Variants in PLEKHM2 observed in about 807,000 individuals in gnomAD.
PLEKHM2 encodes pleckstrin homology domain-containing family M member 2.
PLEKHM2 carries 77 observed loss-of-function variants against 116.3 expected under a neutral mutation model. The observed-to-expected ratio is 0.66, with a 90% CI of 0.55 to 0.80. The LOEUF is 0.80. Ranked by LOEUF, PLEKHM2 falls within the 30% of genes least tolerant of loss-of-function variation. PLEKHM2 has a pLI of 0.00. For missense variants in PLEKHM2, 1,183 were observed against 1,354.9 expected, an observed-to-expected ratio of 0.87 and a Z score of 1.99; for synonymous variants, 562 against 571.0, an observed-to-expected ratio of 0.98 and a Z score of 0.22.
At position 15,728,385 on chromosome 1, in the gene PLEKHM2, G is replaced by T. The variant is rs758987969; in HGVS notation, c.1921+28G>T. On this transcript the variant is annotated intron_variant, in intron 11 of 19. Transcript: ENST00000375799. This position sits in a 1 kb window ranked among gnomAD's most constrained non-coding sequence, Gnocchi z 5.9. ...GCCCGCCGCCCCCGGGCAGACAGCG[G>T]GTTGTAGACGAGGCTGACTCTCAGC... 6.3e-7 allele frequency: 1 copy of T among 1,586,938 alleles called. No individual in the cohort carries two copies. The highest frequency in any genetic ancestry group is 8.6e-7 in the Non-Finnish European group (1 of 1,159,516).
intron 1 of PLEKHM2, among the ~76,000 whole-genome samples, chr1:15,685,622 T>C (rs566207561): frequency 2.0e-5 from 3 of 152,054 alleles, no homozygotes; most frequent in African/African-American, 7.2e-5. Context: ...CAGCTTATTT[T>C]ACTTGAAGAA....
At chr1:15,688,556 G>A (rs1366891447) in intron 1 of PLEKHM2, among the ~76,000 whole-genome samples, 1 of 151,824 alleles carries the variant, frequency 6.6e-6, no homozygotes, top group African/African-American at 2.4e-5. Flanking sequence ...GGAGGCTGAG[G>A]CAGGGAAGCA....
chr1:15,727,239 C>G lies in PLEKHM2; in HGVS notation c.1167C>G (p.Ser389=), dbSNP rs372659037. 8.1e-6 allele frequency: 13 copies of G among 1,603,042 alleles called. No individual in the cohort carries two copies. Among genetic ancestry groups the G allele is most frequent in the Non-Finnish European group, 1.1e-5 (13 of 1,176,060 alleles). Residue 389 remains serine, a synonymous_variant, in exon 9 of 20, where the codon TCC becomes TCG. Coordinates refer to ENST00000375799, the MANE Select transcript of PLEKHM2 (RefSeq NM_015164.4). This position sits in a 1 kb window ranked among gnomAD's most constrained non-coding sequence, Gnocchi z 7.5. ...GCACCACGGAGAGCAGCGAGCGCTC[C>G]GAGCCGGGCCTGCTGATCCCTGAGA... ...PSSTTESSER[S]EPGLLIPEMK... is the part of the protein sequence containing the mutation.
At chr1:15,718,668 G>T in intron 5 of PLEKHM2, 43 bp downstream of exon 5, 1 of 983,764 alleles carries the variant, frequency 1.0e-6, no homozygotes, top group South Asian at 1.4e-5. Flanking sequence ...AGCAGAGGAG[G>T]GGGCAGGGTG....
In PLEKHM2 at chr1:15,733,960, G is replaced by A. The variant is rs781591637; in HGVS notation, c.*26G>A. On this transcript the variant is annotated 3_prime_UTR_variant, in exon 20 of 20. Coordinates refer to ENST00000375799, the MANE Select transcript of PLEKHM2 (RefSeq NM_015164.4). Reference sequence around the variant, plus strand: ...GGCAGAGCTGGTTGGCGTCCCTGGTGGGCAGGAAAGGAAGGCACGCCAGCC... The same window carrying A: ...GGCAGAGCTGGTTGGCGTCCCTGGTAGGCAGGAAAGGAAGGCACGCCAGCC... The A allele has an allele frequency of 1.2e-6, 2 of 1,601,896 alleles. No homozygotes were observed. The highest frequency in any genetic ancestry group is 1.7e-5 in the Admixed American group (1 of 58,370).
At chr1:15,720,037 A>C in intron 6 of PLEKHM2, 117 bp downstream of exon 6, 1 of 783,170 alleles carries the variant, frequency 1.3e-6, no homozygotes, top group Non-Finnish European at 2.0e-6. Context: ...TGAAATTTGC[A>C]ATTAAACAGG....
intron 1 of PLEKHM2, among the ~76,000 whole-genome samples, chr1:15,707,490 G>A (rs1212640147): frequency 6.6e-6 from 1 of 152,216 alleles, no homozygotes. Flanking sequence ...GCCGATGGGA[G>A]TGGCTGTGTT....
intron 14 of PLEKHM2, among the ~76,000 whole-genome samples, 186 bp downstream of exon 14, chr1:15,730,115 C>T (rs1011606092): frequency 2.0e-5 from 3 of 152,192 alleles, no homozygotes; most frequent in Non-Finnish European, 2.9e-5. Flanking sequence ...GTCATGTCCA[C>T]CTTCCTACCT....
At chr1:15,714,348 TAAA>T (rs764341573) in intron 1 of PLEKHM2, among the ~76,000 whole-genome samples, 5 of 110,220 alleles carry the variant, frequency 4.5e-5, no homozygotes, top group Admixed American at 1.0e-4. Context: ...ATTTTGAAAT[TAAA>T]AAAAAAAAAA....
At position 15,725,486 on chromosome 1, in the gene PLEKHM2, G is replaced by T; in HGVS notation, c.882G>T (p.Glu294Asp). 1 of 1,581,752 alleles carries T rather than the reference G, an allele frequency of 6.3e-7. No individual in the cohort carries two copies. Among genetic ancestry groups the T allele is most frequent in the African/African-American group, 1.4e-5 (1 of 74,032 alleles). Residue 294 changes from glutamate to aspartate, a missense_variant, in exon 8 of 20, where the codon GAG becomes GAT. Physicochemically the swap from Glu to Asp is conservative, Grantham distance 45. Transcript: ENST00000375799. Reference protein sequence around the residue: ...DTTPVHTTSQEKEEAQALDPP... With the variant: ...DTTPVHTTSQDKEEAQALDPP... ...CCCCCGTGCACACCACCTCTCAGGA[G>T]AAGGAGGAGGCCCAGGCCCTGGACC...
At chr1:15,711,366 C>T (rs528592765) in intron 1 of PLEKHM2, among the ~76,000 whole-genome samples, 22 of 150,986 alleles carry the variant, frequency 1.5e-4, no homozygotes, top group Middle Eastern at 3.5e-3. Context: ...CTGTAATCCC[C>T]ACACTTTGGG....
intron 19 of PLEKHM2, among the ~76,000 whole-genome samples, chr1:15,733,577 C>T (rs1416409639): frequency 6.6e-6 from 1 of 152,250 alleles, no homozygotes; most frequent in African/African-American, 2.4e-5. Context: ...CTGGGGCCTT[C>T]CCAGGAAAGA....
chr1:15,684,700 GC>G, intron 1 of PLEKHM2, 82 bp downstream of exon 1: 7 of 734,514 alleles, frequency 9.5e-6, no homozygotes, highest in East Asian at 4.9e-5. Context: ...CCGGGCCGGG[GC>G]CCCCCGCCCT....
intron 1 of PLEKHM2, among the ~76,000 whole-genome samples, chr1:15,708,976 G>A (rs1641276896): frequency 6.6e-6 from 1 of 152,182 alleles, no homozygotes; most frequent in East Asian, 1.9e-4. Flanking sequence ...GCAACCTATA[G>A]GGAGGGTCCT....
chr1:15,685,163 A>G (rs1213438458), intron 1 of PLEKHM2, among the ~76,000 whole-genome samples: 1 of 152,260 alleles, frequency 6.6e-6, no homozygotes, highest in African/African-American at 2.4e-5. Context: ...GGCTTTGATT[A>G]TAAGAACCTG....
intron 1 of PLEKHM2, among the ~76,000 whole-genome samples, chr1:15,689,245 C>CAAAAGAAAA: frequency 1.0e-5 from 1 of 95,554 alleles, no homozygotes. Flanking sequence ...AACTCCGTCT[C>CAAAAGAAAA]AAAAAAAAAA....
intron 1 of PLEKHM2, 29 bp from the exon 2 acceptor site, chr1:15,716,208 T>C: frequency 1.5e-6 from 2 of 1,323,000 alleles, no homozygotes; most frequent in Admixed American, 2.1e-5. Context: ...AATCCATTTC[T>C]GATTTGGAGG....
At chr1:15,724,602 C>T (rs1051143726) in intron 7 of PLEKHM2, among the ~76,000 whole-genome samples, 6 of 152,118 alleles carry the variant, frequency 3.9e-5, no homozygotes, top group African/African-American at 1.4e-4. Flanking sequence ...GGGGGGCGGC[C>T]TCTCGGACCC....
In PLEKHM2 at chr1:15,717,876, C is replaced by T. The variant is rs191383513; in HGVS notation, c.278-17C>T. The stretch of plus-strand genomic sequence containing the variant: ...CTGAGAGGCCTTCCTGCCGGTTACT[C>T]CTGCCTTTGTTTGCAGGCCGTGCCT... On this transcript the variant is annotated splice_polypyrimidine_tract_variant and intron_variant, in intron 3 of 19. Transcript: ENST00000375799. The T allele has an allele frequency of 1.1e-3, 1,637 of 1,545,622 alleles. No individual in the cohort carries two copies. Among genetic ancestry groups the T allele is most frequent in the Admixed American group, 1.4e-3 (73 of 54,000 alleles).
Sources: allele counts gnomAD v4.1 joint callset (sites outside exome capture counted in the v4.1 genomes callset), GRCh38; gene constraint gnomAD v4.1.1; non-coding constraint Gnocchi (gnomAD v3.1); transcripts MANE v1.5; gene names NCBI Gene and HGNC (gene_info 2026-07-23, HGNC 2026-07-21).